Variants in ETFA observed in about 807,000 individuals in gnomAD.
ETFA encodes the protein electron transfer flavoprotein subunit alpha.
In ETFA, 22 loss-of-function variants were observed where a neutral mutation model predicts 46.2. The ratio of observed to expected loss-of-function variants is 0.48; its 90% CI spans 0.34 to 0.68. ETFA has a LOEUF of 0.68. Among genes scored for constraint, ETFA ranks in the 30% least tolerant of loss-of-function variants. ETFA has a pLI of 0.01. For synonymous variants in ETFA, 131 were observed against 139.9 expected (o/e 0.94, Z 0.45); for missense variants, 345 against 401.1 (o/e 0.86, Z 1.19).
chr15:76,224,703 A>G (rs2038987578), intron 11 of ETFA, among the ~76,000 whole-genome samples: 1 of 152,180 alleles, frequency 6.6e-6, no homozygotes. Context: ...GTGGTTCTAC[A>G]TGAGGGGTTC....
chr15:76,299,240 C>G lies in ETFA; in HGVS notation c.40-3503G>C, dbSNP rs538050411. Among the ~76,000 whole-genome samples the G allele has an allele frequency of 1.5e-4, 23 of 152,302 alleles. No individual in the cohort carries two copies. The East Asian group carries it at 4.2e-3, about 28-fold the overall frequency. ...CTACCACAACTTCCTTGTTCGCACT[C>G]TCACCCTCCACAGCAATGATTTCAA... On this transcript the variant is annotated intron_variant, in intron 1 of 11. Transcript: ENST00000557943.
intron 1 of ETFA, among the ~76,000 whole-genome samples, chr15:76,301,940 C>T (rs2039884042): frequency 1.3e-5 from 2 of 152,140 alleles, no homozygotes; most frequent in South Asian, 4.1e-4. Context: ...TGAAAAGATG[C>T]TCAACATCAA....
At chr15:76,270,306 T>C (rs1309576228) in intron 9 of ETFA, among the ~76,000 whole-genome samples, 1 of 152,112 alleles carries the variant, frequency 6.6e-6, no homozygotes, top group Non-Finnish European at 1.5e-5. Context: ...TTTCTCACCA[T>C]AGGAGAAAGG....
intron 9 of ETFA, among the ~76,000 whole-genome samples, chr15:76,253,680 C>A (rs2247488): frequency 2.0e-5 from 3 of 152,208 alleles, no homozygotes; most frequent in African/African-American, 7.2e-5. Flanking sequence ...ACAAAGGAGA[C>A]GTGGTTTAAT....
intron 9 of ETFA, among the ~76,000 whole-genome samples, chr15:76,233,056 CA>C (rs2141465484): frequency 6.6e-6 from 1 of 152,228 alleles, no homozygotes; most frequent in African/African-American, 2.4e-5. Context: ...CTATAGTTAC[CA>C]AAAGCCTGAA....
At position 76,250,355 on chromosome 15, in the gene ETFA, G is replaced by A. The variant is rs1049865138; in HGVS notation, c.817-18957C>T. On this transcript the variant is annotated intron_variant, in intron 9 of 11. Transcript: ENST00000557943. ...AGAAGATAACATTTGTATGGTACAC[G>A]AACAAGGCTGGTCATAAAATCCACT... Among the ~76,000 whole-genome samples, 20 of 151,594 alleles carry A rather than the reference G, an allele frequency of 1.3e-4. 1 individual carries two copies. In the East Asian group the frequency reaches 3.1e-3, roughly 23 times the overall value.
At chr15:76,228,749 TA>T (rs1164344778) in intron 10 of ETFA, 1 of 159,668 alleles carries the variant, frequency 6.3e-6, no homozygotes, top group African/African-American at 2.6e-5. Flanking sequence ...TTATTATTAT[TA>T]CTTTTTTTTT....
chr15:76,253,431 T>G (rs1255416516), intron 9 of ETFA, among the ~76,000 whole-genome samples: 1 of 152,176 alleles, frequency 6.6e-6, no homozygotes, highest in African/African-American at 2.4e-5. Flanking sequence ...AGTAGGGAAC[T>G]TATTACTATT....
chr15:76,267,453 T>C (rs906826298), intron 9 of ETFA, among the ~76,000 whole-genome samples: 1 of 152,330 alleles, frequency 6.6e-6, no homozygotes, highest in Admixed American at 6.5e-5. Context: ...TTCTTGATAA[T>C]TATTATCCTA....
rs752119263 is a variant in ETFA at position 76,295,599 on chromosome 15, AT to A, written c.177del (p.Lys59AsnfsTer12). On this transcript the variant is annotated frameshift_variant, in exon 2 of 12. Transcript: ENST00000557943. LOFTEE classifies it high-confidence loss of function. ...GEVSCLVAGT[K>X]CDKVAQDLCK... ...CCTTAAAAATTTCTCACCTTGTCAC[AT>A]TTGGTTCCAGCTACTAAGCAGGACA... 5 of 1,613,720 alleles carry A rather than the reference AT, an allele frequency of 3.1e-6. No individual in the cohort carries two copies. The highest frequency in any genetic ancestry group is 3.4e-6 in the Non-Finnish European group (4 of 1,179,762).
chr15:76,288,192 T>A (rs965143763), intron 4 of ETFA, among the ~76,000 whole-genome samples: 61 of 152,204 alleles, frequency 4.0e-4, no homozygotes, highest in African/African-American at 1.4e-3. Flanking sequence ...GCCACCTTAA[T>A]GCAATATATT....
chr15:76,295,488 G>T, intron 2 of ETFA, 103 bp downstream of exon 2: 1 of 966,194 alleles, frequency 1.0e-6, no homozygotes, highest in South Asian at 1.3e-5. Flanking sequence ...GAGGATTAGA[G>T]CCCAGTTTGG....
At chr15:76,305,525 G>A (rs1414564343) in intron 1 of ETFA, among the ~76,000 whole-genome samples, 1 of 152,188 alleles carries the variant, frequency 6.6e-6, no homozygotes, top group Admixed American at 6.5e-5. Context: ...ACTCTGTTTA[G>A]ACTTGGTTGC....
chr15:76,226,054 C>T (rs986409072), intron 10 of ETFA, 125 bp from the exon 11 acceptor site: 5 of 679,094 alleles, frequency 7.4e-6, no homozygotes, highest in Non-Finnish European at 1.3e-5. Context: ...TTTGAGGCAT[C>T]TGTGTCAACA....
chr15:76,242,615 T>G (rs1158054747), intron 9 of ETFA, among the ~76,000 whole-genome samples: 1 of 152,242 alleles, frequency 6.6e-6, no homozygotes, highest in African/African-American at 2.4e-5. Context: ...GCAGCATTAT[T>G]CACTATAGCT....
At chr15:76,300,221 C>T (rs1441982971) in intron 1 of ETFA, among the ~76,000 whole-genome samples, 1 of 152,142 alleles carries the variant, frequency 6.6e-6, no homozygotes, top group Non-Finnish European at 1.5e-5. Context: ...AAGTGCTAGA[C>T]TTATAATATG....
At chr15:76,289,574 A>T (rs976204425) in intron 4 of ETFA, among the ~76,000 whole-genome samples, 1 of 152,194 alleles carries the variant, frequency 6.6e-6, no homozygotes, top group Non-Finnish European at 1.5e-5. Context: ...TGGTACACAG[A>T]TATCTATCCT....
At chr15:76,260,816 C>T (rs2039403054) in intron 9 of ETFA, 1 of 1,608,276 alleles carries the variant, frequency 6.2e-7, no homozygotes, top group East Asian at 2.2e-5. Context: ...CACAGCACAC[C>T]CTGAGGCTGT....
At chr15:76,289,022 A>T (rs1165925847) in intron 4 of ETFA, among the ~76,000 whole-genome samples, 1 of 148,640 alleles carries the variant, frequency 6.7e-6, no homozygotes, top group Non-Finnish European at 1.5e-5. Context: ...TGGGCTCAAG[A>T]GATTATTCTG....
Sources: gnomAD v4.1 joint callset for allele counts (sites outside exome capture counted in the v4.1 genomes callset) on GRCh38, gnomAD v4.1.1 for gene constraint, MANE v1.5 for transcripts, NCBI Gene and HGNC (gene_info 2026-07-23, HGNC 2026-07-21) for gene names.